GRIP2: variants seen among roughly 807,000 people sequenced by gnomAD.
GRIP2 encodes the protein glutamate receptor-interacting protein 2.
In GRIP2, 58 loss-of-function variants were observed where a neutral mutation model predicts 108.3. The ratio of observed to expected loss-of-function variants is 0.54; its 90% CI spans 0.43 to 0.67. The LOEUF is 0.67. GRIP2 is among the 30% of genes least tolerant of loss of function. The pLI is 0.00. For synonymous variants in GRIP2, 586 were observed against 598.2 expected, an observed-to-expected ratio of 0.98 and a Z score of 0.30; for missense variants, 1,278 against 1,430.6, an observed-to-expected ratio of 0.89 and a Z score of 1.72.
chr3:14,573,159 G>A, the GRIP2 span: 5 of 1,436,874 alleles, frequency 3.5e-6, no homozygotes, highest in African/African-American at 7.0e-5. Flanking sequence ...GAGCACCACA[G>A]CCAGCAGCTT....
the GRIP2 span, chr3:14,574,304 A>T: frequency 6.1e-6 from 6 of 983,354 alleles, no homozygotes; most frequent in Non-Finnish European, 9.6e-6. Flanking sequence ...TGCTCAGCCC[A>T]TACAGCCGCT....
chr3:14,493,529 C>T lies in GRIP2; in HGVS notation c.*136G>A. Reference sequence around the variant, plus strand: ...CACCACAGACCTGGGGAACAGAGACCAAGCATCATCCCAGGCTCAGAGTCT... The same window carrying T: ...CACCACAGACCTGGGGAACAGAGACTAAGCATCATCCCAGGCTCAGAGTCT... On this transcript the variant is annotated 3_prime_UTR_variant, in exon 24 of 24. Coordinates refer to ENST00000621039, the MANE Select transcript of GRIP2 (RefSeq NM_001080423.4). 2 of 1,078,162 alleles carry T rather than the reference C, an allele frequency of 1.9e-6. No individual in the cohort carries two copies. Among genetic ancestry groups the T allele is most frequent in the Non-Finnish European group, 2.6e-6 (2 of 772,088 alleles). The allele number at this position is 1,078,162 out of a possible 1,614,324, so 66.8% of individuals were successfully genotyped here.
the GRIP2 span, among the ~76,000 whole-genome samples, chr3:14,582,994 CCT>C: frequency 2.6e-5 from 4 of 152,156 alleles, no homozygotes; most frequent in Non-Finnish European, 5.9e-5. Flanking sequence ...TAACAACAAC[CCT>C]GTTAGGTAGA....
At chr3:14,572,820 G>A in the GRIP2 span, 4 of 900,906 alleles carry the variant, frequency 4.4e-6, no homozygotes, top group Non-Finnish European at 7.1e-6. Context: ...GCCTGCTGGA[G>A]CGCATGGTCC....
Position 14,511,541 on chromosome 3 carries a change from G to T in GRIP2, c.1721-62C>A. ...CCTCAGCCTGGGGTGGGGTGGCGAAGCCCAGGGGTCTGAGTGTGGACTCGG... is the reference window on the plus strand; with the variant it reads ...CCTCAGCCTGGGGTGGGGTGGCGAATCCCAGGGGTCTGAGTGTGGACTCGG... On this transcript the variant is annotated intron_variant, in intron 14 of 23. Transcript: ENST00000621039. The surrounding 1 kb of genome is among the most constrained non-coding windows in gnomAD (Gnocchi z 4.1). 1 of 1,523,670 alleles carries T rather than the reference G, an allele frequency of 6.6e-7. No homozygotes were observed. 94.4% of individuals were successfully genotyped at this position (1,523,670 alleles called of 1,614,324 possible).
At chr3:14,514,266 C>T in intron 12 of GRIP2, 26 bp downstream of exon 12, 1 of 1,529,030 alleles carries the variant, frequency 6.5e-7, no homozygotes, top group Non-Finnish European at 8.8e-7. Context: ...GTGGCAGGCT[C>T]AGTAGGGAGG....
the GRIP2 span, among the ~76,000 whole-genome samples, chr3:14,599,685 C>CTCTG: frequency 7.6e-3 from 970 of 127,542 alleles, 9 homozygotes; most frequent in South Asian, 0.011. Context: ...CTCTCTCTCT[C>CTCTG]TGTGTGTGTG....
In GRIP2 at chr3:14,523,153, A is replaced by G. The variant is rs576243495; in HGVS notation, c.491-78T>C. 205 of 1,062,918 alleles carry G rather than the reference A, an allele frequency of 1.9e-4. 1 individual carries two copies. In the Middle Eastern group the frequency reaches 2.5e-3, roughly 13 times the overall value. The allele number at this position is 1,062,918 out of a possible 1,614,324, so 65.8% of individuals were successfully genotyped here. Reference sequence around the variant, plus strand: ...AGAGGCTCCCACACAGCCCCTGAGCAGGCTCCTTCAATAAAACCTGTTTGA... The same window carrying G: ...AGAGGCTCCCACACAGCCCCTGAGCGGGCTCCTTCAATAAAACCTGTTTGA... On this transcript the variant is annotated intron_variant, in intron 5 of 23. Coordinates refer to ENST00000621039, the MANE Select transcript of GRIP2 (RefSeq NM_001080423.4).
chr3:14,521,634 C>T lies in GRIP2; in HGVS notation c.712+8G>A, dbSNP rs1694411197. 1 of 1,600,974 alleles carries T rather than the reference C, an allele frequency of 6.2e-7. No homozygotes were observed. The highest frequency in any genetic ancestry group is 8.5e-7 in the Non-Finnish European group (1 of 1,172,570). On this transcript the variant is annotated splice_region_variant and intron_variant, in intron 7 of 23. Transcript: ENST00000621039. The surrounding 1 kb of genome is among the most constrained non-coding windows in gnomAD (Gnocchi z 5.1). ...GCCCCAACCCACACACTCAGGCCCCCAACTCACCAGGGGTGGCCACATCAT... is the reference window on the plus strand; with the variant it reads ...GCCCCAACCCACACACTCAGGCCCCTAACTCACCAGGGGTGGCCACATCAT...
At chr3:14,550,865 GCAC>G (rs1360050438) in intron 1 of GRIP2, among the ~76,000 whole-genome samples, 1 of 152,186 alleles carries the variant, frequency 6.6e-6, no homozygotes, top group East Asian at 1.9e-4. Context: ...AGGGACCCCA[GCAC>G]CCCTAATTAT....
chr3:14,574,374 G>A, the GRIP2 span: 3 of 925,912 alleles, frequency 3.2e-6, no homozygotes, highest in Non-Finnish European at 5.1e-6. Context: ...CCGCGGCCCC[G>A]CGGTGCTCAC....
chr3:14,577,883 G>A, the GRIP2 span, among the ~76,000 whole-genome samples: 1 of 152,194 alleles, frequency 6.6e-6, no homozygotes, highest in Non-Finnish European at 1.5e-5. Context: ...CAATGGGCTG[G>A]CTAAGGATGG....
At chr3:14,594,475 G>T in the GRIP2 span, among the ~76,000 whole-genome samples, 2 of 152,164 alleles carry the variant, frequency 1.3e-5, no homozygotes, top group Non-Finnish European at 2.9e-5. Flanking sequence ...GGAAAGAGGC[G>T]CTCCCTCACC....
rs1693609964 is a variant in GRIP2 at position 14,496,576 on chromosome 3, C to T, written c.2680-16G>A. On this transcript the variant is annotated splice_polypyrimidine_tract_variant and intron_variant, in intron 21 of 23. Coordinates refer to ENST00000621039, the MANE Select transcript of GRIP2 (RefSeq NM_001080423.4). Reference sequence around the variant, plus strand: ...TGATGGATGCCTGCAAGGAACACGGCCTTTCTTTCAGATGCTTGTTGGCTT... The same window carrying T: ...TGATGGATGCCTGCAAGGAACACGGTCTTTCTTTCAGATGCTTGTTGGCTT... 2 of 1,587,756 alleles carry T rather than the reference C, an allele frequency of 1.3e-6. No individual in the cohort carries two copies. Among genetic ancestry groups the T allele is most frequent in the Non-Finnish European group, 1.7e-6 (2 of 1,162,036 alleles).
chr3:14,536,825 A>T (rs547801878), intron 1 of GRIP2, among the ~76,000 whole-genome samples: 37 of 152,262 alleles, frequency 2.4e-4, no homozygotes, highest in African/African-American at 8.7e-4. Flanking sequence ...TCACAAGAAG[A>T]CTGTGTCTAG....
chr3:14,526,670 C>T (rs868552129), intron 1 of GRIP2, among the ~76,000 whole-genome samples: 1 of 152,312 alleles, frequency 6.6e-6, no homozygotes, highest in Middle Eastern at 3.4e-3. Flanking sequence ...CTCTCCATGA[C>T]CCACATCCAC....
chr3:14,573,265 C>T, the GRIP2 span: 1 of 1,402,160 alleles, frequency 7.1e-7, no homozygotes, highest in South Asian at 1.2e-5. Flanking sequence ...CCAGCTGGAA[C>T]CACCTCTGCT....
the GRIP2 span, among the ~76,000 whole-genome samples, chr3:14,578,771 C>CTCCCTTATTTCTCCCTCATTTGACTT: frequency 1.3e-5 from 2 of 149,564 alleles, no homozygotes; most frequent in Non-Finnish European, 3.0e-5. Context: ...CCTTATTTGT[C>CTCCCTTATTTCTCCCTCATTTGACTT]AGGTGAGTCA....
chr3:14,506,208 C>T (rs954376707), intron 19 of GRIP2, among the ~76,000 whole-genome samples: 11 of 152,206 alleles, frequency 7.2e-5, no homozygotes, highest in Non-Finnish European at 1.2e-4. Flanking sequence ...CAGCCACCTA[C>T]GGCCCGTAGA....
Sources: gnomAD v4.1 joint callset for allele counts (sites outside exome capture counted in the v4.1 genomes callset) on GRCh38, gnomAD v4.1.1 for gene constraint, Gnocchi (gnomAD v3.1) non-coding constraint, MANE v1.5 for transcripts, NCBI Gene and HGNC (gene_info 2026-07-23, HGNC 2026-07-21) for gene names.